Variants in ITSN1 observed in about 807,000 individuals in gnomAD.
ITSN1 encodes the protein intersectin 1.
ITSN1 carries 58 observed loss-of-function variants against 239.8 expected under a neutral mutation model. That is an observed-to-expected ratio of 0.24 (90% CI 0.20 to 0.30). ITSN1 has a LOEUF of 0.30. Among genes scored for constraint, ITSN1 ranks in the 10% least tolerant of loss-of-function variants. The pLI, the probability that ITSN1 is intolerant of heterozygous loss-of-function variation, is 1.00. For synonymous variants in ITSN1, 780 were observed against 770.8 expected, an observed-to-expected ratio of 1.01 and a Z score of -0.20; for missense variants, 1,558 against 2,103.3, an observed-to-expected ratio of 0.74 and a Z score of 5.07.
intron 34 of ITSN1, 79 bp downstream of exon 34, chr21:33,875,600 A>G: frequency 2.9e-6 from 4 of 1,400,674 alleles, no homozygotes; most frequent in Non-Finnish European, 3.9e-6. Flanking sequence ...AAAGAAAAGC[A>G]TGAACCATTC....
intron 33 of ITSN1, among the ~76,000 whole-genome samples, chr21:33,868,707 C>T (rs1373065587): frequency 6.6e-6 from 1 of 152,230 alleles, no homozygotes; most frequent in African/African-American, 2.4e-5. Flanking sequence ...TCCCTCCACA[C>T]CTCCCTGCAA....
chr21:33,693,327 TTTTTGTTTTG>T (rs376620937), intron 1 of ITSN1, among the ~76,000 whole-genome samples: 139 of 151,684 alleles, frequency 9.2e-4, no homozygotes, highest in African/African-American at 2.2e-3. Flanking sequence ...TTCTTGCTGT[TTTTTGTTTTG>T]TTTTGTTTTG....
In ITSN1 at chr21:33,895,823, C is replaced by T. The variant is rs1476247055; in HGVS notation, c.*7523C>T. On this transcript the variant is annotated 3_prime_UTR_variant, in exon 40 of 40. Coordinates refer to ENST00000381318, the MANE Select transcript of ITSN1 (RefSeq NM_003024.3). ...TACGTTGCTCCACAGTCCTGTCATC[C>T]TGGTCAGGACTAGTCGCGTGGTTTG... is the stretch of plus-strand genomic sequence containing the variant. 6.6e-6 allele frequency: 1 copy of T among 152,272 alleles called. No homozygotes were observed. Among genetic ancestry groups the T allele is most frequent in the Non-Finnish European group, 1.5e-5 (1 of 68,084 alleles). The allele number at this position is 152,272 out of a possible 1,614,324, so 9.4% of individuals were successfully genotyped here.
At chr21:33,807,393 A>G (rs901580940) in intron 20 of ITSN1, among the ~76,000 whole-genome samples, 5 of 152,208 alleles carry the variant, frequency 3.3e-5, no homozygotes, top group Admixed American at 6.5e-5. Flanking sequence ...GGCTGAGTGC[A>G]GTGGTGTGAT....
chr21:33,647,657 G>A (rs1480578232), intron 1 of ITSN1, among the ~76,000 whole-genome samples: 3 of 151,966 alleles, frequency 2.0e-5, no homozygotes, highest in Non-Finnish European at 4.4e-5. Context: ...CACCATGCCT[G>A]GCTAATGTTT....
chr21:33,725,876 G>T (rs181977423), intron 4 of ITSN1, among the ~76,000 whole-genome samples: 6 of 152,318 alleles, frequency 3.9e-5, no homozygotes, highest in Non-Finnish European at 7.4e-5. Context: ...ATGGAATAAT[G>T]CAGTGCAAAT....
intron 7 of ITSN1, among the ~76,000 whole-genome samples, chr21:33,753,469 A>G (rs2067695503): frequency 6.6e-6 from 1 of 152,116 alleles, no homozygotes; most frequent in Non-Finnish European, 1.5e-5. Flanking sequence ...CTTTTTAAAA[A>G]AAATTCTCCT....
intron 8 of ITSN1, among the ~76,000 whole-genome samples, chr21:33,755,912 A>G (rs2067874088): frequency 6.6e-6 from 1 of 152,216 alleles, no homozygotes; most frequent in Non-Finnish European, 1.5e-5. Flanking sequence ...GATTTTTTTA[A>G]AAGAAGAATG....
intron 1 of ITSN1, among the ~76,000 whole-genome samples, chr21:33,658,149 A>G (rs968534262): frequency 2.6e-5 from 4 of 152,242 alleles, no homozygotes; most frequent in Admixed American, 2.6e-4. Context: ...GGAAAATAGT[A>G]TTAAGAAAAT....
Position 33,865,083 on chromosome 21 carries a change from C to T in ITSN1, c.3891-68C>T. 6.7e-7 allele frequency: 1 copy of T among 1,492,662 alleles called. No homozygotes were observed. Among genetic ancestry groups the T allele is most frequent in the Non-Finnish European group, 9.1e-7 (1 of 1,097,852 alleles). 92.5% of individuals were successfully genotyped at this position (1,492,662 alleles called of 1,614,324 possible). A position where few individuals can be genotyped will look rare whatever the true frequency, so the allele number is the denominator to read the frequency against. On this transcript the variant is annotated intron_variant, in intron 31 of 39. Coordinates refer to ENST00000381318, the MANE Select transcript of ITSN1 (RefSeq NM_003024.3). This position sits in a 1 kb window ranked among gnomAD's most constrained non-coding sequence, Gnocchi z 4.4. ...TCACACACATTCTGTTTCTGTGCAA[C>T]CTAAGTGTGCTGTGGTGCTGTCAGA...
At chr21:33,664,842 C>T (rs2089820527) in intron 1 of ITSN1, among the ~76,000 whole-genome samples, 1 of 152,162 alleles carries the variant, frequency 6.6e-6, no homozygotes, top group Non-Finnish European at 1.5e-5. Flanking sequence ...GATTATATGA[C>T]CTCTCTTAAT....
chr21:33,782,698 T>A (rs2070297105), intron 16 of ITSN1, among the ~76,000 whole-genome samples: 1 of 152,312 alleles, frequency 6.6e-6, no homozygotes, highest in African/African-American at 2.4e-5. Context: ...ATTTGGTGTT[T>A]CTGATTTAAC....
chr21:33,655,422 A>AT (rs901411459), intron 1 of ITSN1, among the ~76,000 whole-genome samples: 36 of 148,618 alleles, frequency 2.4e-4, no homozygotes, highest in East Asian at 3.9e-4. Flanking sequence ...CTGAAACAAG[A>AT]TTTTTTTTTT....
At chr21:33,884,110 C>A (rs1985401668) in intron 36 of ITSN1, among the ~76,000 whole-genome samples, 1 of 151,990 alleles carries the variant, frequency 6.6e-6, no homozygotes, top group African/African-American at 2.4e-5. Context: ...CCATGTTGCC[C>A]AGGCTGGTCT....
At position 33,794,338 on chromosome 21, in the gene ITSN1, T is replaced by C. The variant is rs771297101; in HGVS notation, c.1825-3T>C. On this transcript the variant is annotated splice_polypyrimidine_tract_variant and splice_region_variant and intron_variant, in intron 16 of 39. Coordinates refer to ENST00000381318, the MANE Select transcript of ITSN1 (RefSeq NM_003024.3). ...ACATGAACTGTTTCTCGGTTAATTA[T>C]AGGAACTAAGAGAAATACACAATAA... 1.2e-5 allele frequency: 20 copies of C among 1,607,022 alleles called. No homozygotes were observed. Among genetic ancestry groups the C allele is most frequent in the Non-Finnish European group, 1.7e-5 (20 of 1,176,230 alleles).
intron 5 of ITSN1, among the ~76,000 whole-genome samples, chr21:33,743,508 G>C (rs1361200967): frequency 6.7e-6 from 1 of 148,222 alleles, no homozygotes; most frequent in African/African-American, 2.5e-5. Context: ...AAAAGAATTT[G>C]AGAAACAGTA....
At chr21:33,721,574 T>C (rs2065483103) in intron 3 of ITSN1, among the ~76,000 whole-genome samples, 1 of 151,858 alleles carries the variant, frequency 6.6e-6, no homozygotes, top group Admixed American at 6.6e-5. Flanking sequence ...GGTGGGCAGA[T>C]CCCTTGAGGT....
chr21:33,816,364 C>A (rs1276797205), intron 22 of ITSN1, among the ~76,000 whole-genome samples: 1 of 152,190 alleles, frequency 6.6e-6, no homozygotes, highest in Non-Finnish European at 1.5e-5. Context: ...ATGGATCTTA[C>A]TAAACTTCCT....
chr21:33,752,915 C>G (rs2067655925), intron 7 of ITSN1, among the ~76,000 whole-genome samples: 1 of 151,884 alleles, frequency 6.6e-6, no homozygotes. Flanking sequence ...TTCCCACTTT[C>G]AAGAGAAAAG....
Sources: gnomAD v4.1 joint callset for allele counts (sites outside exome capture counted in the v4.1 genomes callset) on GRCh38, gnomAD v4.1.1 for gene constraint, Gnocchi (gnomAD v3.1) non-coding constraint, MANE v1.5 for transcripts, NCBI Gene and HGNC (gene_info 2026-07-23, HGNC 2026-07-21) for gene names.